The following HCN1 variants were observed in gnomAD, a reference collection of about 807,000 sequenced individuals.
HCN1 encodes the protein potassium/sodium hyperpolarization-activated cyclic nucleotide-gated channel 1.
HCN1 carries 13 observed loss-of-function variants against 78.9 expected under a neutral mutation model. The observed-to-expected ratio is 0.16, with a 90% CI of 0.11 to 0.26. HCN1 has a LOEUF of 0.26. Among genes scored for constraint, HCN1 ranks in the 10% least tolerant of loss-of-function variants. HCN1 has a pLI of 1.00. For synonymous variants in HCN1, 552 were observed against 455.5 expected (o/e 1.21, Z -2.70); for missense variants, 810 against 1,154.3 (o/e 0.70, Z 4.32).
intron 5 of HCN1, among the ~76,000 whole-genome samples, chr5:45,321,452 C>T (rs2111936399): frequency 6.7e-6 from 1 of 150,328 alleles, no homozygotes. Context: ...CTCATTTCAC[C>T]CCACAGTGGG....
chr5:45,357,949 T>C (rs1747035239), intron 4 of HCN1, among the ~76,000 whole-genome samples: 1 of 151,798 alleles, frequency 6.6e-6, no homozygotes. Flanking sequence ...ACCTCTCCCC[T>C]CTCTCTCTCC....
chr5:45,563,356 G>A (rs1743643566), intron 2 of HCN1, among the ~76,000 whole-genome samples: 1 of 152,030 alleles, frequency 6.6e-6, no homozygotes, highest in Non-Finnish European at 1.5e-5. Context: ...GGAGGGTGAG[G>A]CAGGAGAATC....
At chr5:45,386,982 T>C (rs2112031029) in intron 4 of HCN1, among the ~76,000 whole-genome samples, 1 of 152,154 alleles carries the variant, frequency 6.6e-6, no homozygotes, top group Non-Finnish European at 1.5e-5. Context: ...AAAACAAATA[T>C]ACTATTGTAA....
rs1307410753 is a variant in HCN1, at chr5:45,376,039, T to G, written c.1230+20453A>C. On this transcript the variant is annotated intron_variant, in intron 4 of 7. Coordinates refer to ENST00000303230, the MANE Select transcript of HCN1 (RefSeq NM_021072.4). ...TCATATACAATCTATAATATAATATTTTATAATATATATTATATACAATAT... is the reference window on the plus strand; with the variant it reads ...TCATATACAATCTATAATATAATATGTTATAATATATATTATATACAATAT... Among the ~76,000 whole-genome samples the G allele has an allele frequency of 1.1e-4, 12 of 113,400 alleles. No individual in the cohort carries two copies. In the South Asian group the frequency reaches 1.8e-3, roughly 17 times the overall value. The allele number at this position is 113,400 out of a possible 152,430, so 74.4% of individuals were successfully genotyped here.
chr5:45,324,111 T>C (rs1303448361), intron 5 of HCN1, among the ~76,000 whole-genome samples: 2 of 151,964 alleles, frequency 1.3e-5, no homozygotes, highest in Non-Finnish European at 2.9e-5. Flanking sequence ...GTATTTCTAG[T>C]TCTAGATCCC....
At chr5:45,521,531 C>A (rs1289082025) in intron 2 of HCN1, among the ~76,000 whole-genome samples, 1 of 151,874 alleles carries the variant, frequency 6.6e-6, no homozygotes, top group African/African-American at 2.4e-5. Flanking sequence ...CTTTTCATAT[C>A]ATCTTCCCTT....
At chr5:45,327,683 G>T (rs998274854) in intron 5 of HCN1, among the ~76,000 whole-genome samples, 2 of 151,744 alleles carry the variant, frequency 1.3e-5, no homozygotes, top group African/African-American at 4.8e-5. Context: ...GAGGGTATTT[G>T]AAGAGGTAAT....
At chr5:45,561,969 C>A (rs1354403675) in intron 2 of HCN1, among the ~76,000 whole-genome samples, 2 of 152,044 alleles carry the variant, frequency 1.3e-5, no homozygotes, top group African/African-American at 4.8e-5. Flanking sequence ...GGTTTTTATT[C>A]TTTATAATAA....
intron 2 of HCN1, among the ~76,000 whole-genome samples, chr5:45,529,752 AC>A (rs1204076330): frequency 6.6e-6 from 1 of 152,120 alleles, no homozygotes; most frequent in Non-Finnish European, 1.5e-5. Context: ...GCTGTCAATC[AC>A]TTTTGATGTT....
chr5:45,387,588 T>C (rs528083346), intron 4 of HCN1, among the ~76,000 whole-genome samples: 3 of 152,198 alleles, frequency 2.0e-5, no homozygotes, highest in Non-Finnish European at 4.4e-5. Context: ...TTCTAGATAA[T>C]GCATTCCAAC....
At chr5:45,531,386 C>A (rs1579952910) in intron 2 of HCN1, among the ~76,000 whole-genome samples, 1 of 152,276 alleles carries the variant, frequency 6.6e-6, no homozygotes, top group Non-Finnish European at 1.5e-5. Context: ...GGGGACTCTG[C>A]TCACTTCAGA....
intron 2 of HCN1, among the ~76,000 whole-genome samples, chr5:45,629,261 T>A (rs1745228371): frequency 6.6e-6 from 1 of 152,074 alleles, no homozygotes; most frequent in East Asian, 1.9e-4. Context: ...AATATCCTTT[T>A]CTCAAGAACT....
chr5:45,580,343 A>G (rs1171206558), intron 2 of HCN1, among the ~76,000 whole-genome samples: 3 of 152,032 alleles, frequency 2.0e-5, no homozygotes, highest in Non-Finnish European at 4.4e-5. Context: ...ATTCAAAGTG[A>G]GGAGAATTTA....
intron 1 of HCN1, among the ~76,000 whole-genome samples, chr5:45,669,341 C>A (rs1746108230): frequency 6.6e-6 from 1 of 151,650 alleles, no homozygotes; most frequent in African/African-American, 2.4e-5. Flanking sequence ...GGTCTTATGC[C>A]AGAGAAGCTA....
intron 2 of HCN1, among the ~76,000 whole-genome samples, chr5:45,546,604 C>T (rs892103276): frequency 2.0e-5 from 3 of 151,808 alleles, no homozygotes; most frequent in African/African-American, 4.8e-5. Flanking sequence ...TATAATTTCA[C>T]TTTTATTAAT....
rs557103447 is a variant in HCN1 at position 45,580,785 on chromosome 5, G to A, written c.849+64400C>T. 7.2e-5 allele frequency among the ~76,000 whole-genome samples: 11 copies of A among 152,150 alleles called. No homozygotes were observed. In the East Asian group the frequency reaches 9.7e-4, roughly 13 times the overall value. On this transcript the variant is annotated intron_variant, in intron 2 of 7. Coordinates refer to ENST00000303230, the MANE Select transcript of HCN1 (RefSeq NM_021072.4). ...TTCCCACCTATGAGTGAGAACATGC[G>A]GTGTTTGGTTTTTTGTCCTCGCGAT...
intron 3 of HCN1, among the ~76,000 whole-genome samples, chr5:45,402,170 C>T (rs906039721): frequency 9.2e-5 from 14 of 152,084 alleles, no homozygotes; most frequent in Non-Finnish European, 2.1e-4. Context: ...GAATAGGGAA[C>T]ATACCAGGCA....
chr5:45,373,776 T>A (rs1297841999), intron 4 of HCN1, among the ~76,000 whole-genome samples: 1 of 122,818 alleles, frequency 8.1e-6, no homozygotes, highest in Non-Finnish European at 1.6e-5. Context: ...ATCTATAATA[T>A]ATTACATACG....
intron 2 of HCN1, among the ~76,000 whole-genome samples, chr5:45,566,137 A>G (rs1187331294): frequency 6.6e-6 from 1 of 152,088 alleles, no homozygotes; most frequent in Non-Finnish European, 1.5e-5. Flanking sequence ...TAATTACTGA[A>G]TTTTTCTCAT....
Sources: gnomAD v4.1 joint callset for allele counts (sites outside exome capture counted in the v4.1 genomes callset) on GRCh38, gnomAD v4.1.1 for gene constraint, MANE v1.5 for transcripts, NCBI Gene and HGNC (gene_info 2026-07-23, HGNC 2026-07-21) for gene names.